The following FSTL5 variants were observed in gnomAD, a reference collection of about 807,000 sequenced individuals.
FSTL5 encodes the protein follistatin-related protein 5.
A neutral mutation model predicts 89.1 loss-of-function variants in FSTL5; 62 were observed. The ratio of observed to expected loss-of-function variants is 0.70; its 90% CI spans 0.57 to 0.86. The LOEUF (loss-of-function observed/expected upper bound fraction) is 0.86, where lower values mean the gene tolerates loss of function less well. FSTL5 is among the 40% of genes least tolerant of loss of function. The pLI, the probability that FSTL5 is intolerant of heterozygous loss-of-function variation, is 0.00. For missense variants in FSTL5, 1,057 were observed against 1,001.6 expected (o/e 1.06, Z -0.75); for synonymous variants, 383 against 346.2 (o/e 1.11, Z -1.18).
chr4:161,851,612 T>C (rs1190691827), intron 4 of FSTL5, among the ~76,000 whole-genome samples: 2 of 152,128 alleles, frequency 1.3e-5, no homozygotes, highest in East Asian at 3.8e-4. Flanking sequence ...CATTGTTATA[T>C]TTTGCCACAT....
intron 7 of FSTL5, among the ~76,000 whole-genome samples, chr4:161,630,460 T>A (rs114399775): frequency 4.1e-3 from 631 of 152,302 alleles, no homozygotes; most frequent in African/African-American, 0.015. Context: ...GTTTGTGAAG[T>A]AGAGACAGCA....
Position 161,587,527 on chromosome 4 carries a change from GAGTTGTGGTA to G in FSTL5, c.933_942del (p.Thr313LeufsTer22). On this transcript the variant is annotated frameshift_variant, in exon 8 of 16. Coordinates refer to ENST00000306100, the MANE Select transcript of FSTL5 (RefSeq NM_020116.5). LOFTEE classifies it high-confidence loss of function. ...GCATAGCAGGTGTAATTGCCAACGT[GAGTTGTGGTA>G]ACCTTAGTAATATACAAGGACCCAT... The G allele has an allele frequency of 6.2e-7, 1 of 1,611,090 alleles. No homozygotes were observed. Among genetic ancestry groups the G allele is most frequent in the East Asian group, 2.2e-5 (1 of 44,708 alleles).
intron 7 of FSTL5, among the ~76,000 whole-genome samples, chr4:161,609,950 G>C (rs1452631792): frequency 1.3e-5 from 2 of 152,082 alleles, no homozygotes; most frequent in Admixed American, 1.3e-4. Flanking sequence ...AAACATGAGG[G>C]ACTCAGGGAA....
chr4:161,405,988 A>G (rs1403792416), intron 15 of FSTL5, among the ~76,000 whole-genome samples: 1 of 152,138 alleles, frequency 6.6e-6, no homozygotes, highest in African/African-American at 2.4e-5. Context: ...TAAGAATCTG[A>G]GAGAATTCAC....
chr4:162,089,528 G>C (rs543905981), intron 2 of FSTL5, among the ~76,000 whole-genome samples: 1 of 151,328 alleles, frequency 6.6e-6, no homozygotes, highest in African/African-American at 2.4e-5. Flanking sequence ...AGCTACTCGG[G>C]AGGGTAAGGC....
intron 3 of FSTL5, among the ~76,000 whole-genome samples, chr4:161,996,895 A>C (rs775627612): frequency 4.6e-5 from 7 of 152,224 alleles, no homozygotes; most frequent in Non-Finnish European, 8.8e-5. Flanking sequence ...CTCTCGGGAT[A>C]GATGTTATGA....
At chr4:161,427,533 C>A (rs1254506627) in intron 15 of FSTL5, among the ~76,000 whole-genome samples, 1 of 152,162 alleles carries the variant, frequency 6.6e-6, no homozygotes, top group Non-Finnish European at 1.5e-5. Context: ...CCCAAACTAA[C>A]TTCCTTTGTT....
At chr4:161,390,030 T>C (rs573031232) in intron 15 of FSTL5, among the ~76,000 whole-genome samples, 34 of 152,304 alleles carry the variant, frequency 2.2e-4, no homozygotes, top group Non-Finnish European at 4.3e-4. Flanking sequence ...TTTTTATTCT[T>C]GCTCTCACTT....
At chr4:161,614,918 C>T (rs1374340538) in intron 7 of FSTL5, among the ~76,000 whole-genome samples, 2 of 152,032 alleles carry the variant, frequency 1.3e-5, no homozygotes, top group Non-Finnish European at 2.9e-5. Flanking sequence ...TCTTATGGAA[C>T]CTCAAATAGA....
intron 4 of FSTL5, among the ~76,000 whole-genome samples, chr4:161,850,785 T>C (rs1231379035): frequency 6.6e-6 from 1 of 152,140 alleles, no homozygotes; most frequent in Non-Finnish European, 1.5e-5. Context: ...CCATCAATGA[T>C]AGACTAGATA....
chr4:161,821,087 G>C (rs1026515210), intron 4 of FSTL5, among the ~76,000 whole-genome samples: 1 of 152,064 alleles, frequency 6.6e-6, no homozygotes, highest in Admixed American at 6.5e-5. Context: ...ACCCAGGCTA[G>C]AGTGCAGTGG....
chr4:161,511,056 G>T (rs900542674), intron 10 of FSTL5, among the ~76,000 whole-genome samples: 16 of 152,046 alleles, frequency 1.1e-4, no homozygotes, highest in Admixed American at 9.8e-4. Context: ...AATCAGTAAA[G>T]AGCTAATATA....
intron 8 of FSTL5, among the ~76,000 whole-genome samples, chr4:161,559,871 G>A (rs777382401): frequency 6.6e-6 from 1 of 151,778 alleles, no homozygotes; most frequent in Admixed American, 6.6e-5. Flanking sequence ...TAAGCTATAT[G>A]GTATAGCCAA....
chr4:161,625,319 T>C (rs1735277589), intron 7 of FSTL5, among the ~76,000 whole-genome samples: 1 of 152,162 alleles, frequency 6.6e-6, no homozygotes, highest in Non-Finnish European at 1.5e-5. Context: ...CTACAGTATG[T>C]GCTCACTTCA....
rs557244587 is a variant in FSTL5, at chr4:161,872,723, A to AT, written c.409+47680_409+47681insA. 3.9e-4 allele frequency among the ~76,000 whole-genome samples: 59 copies of AT among 152,326 alleles called. No homozygotes were observed. In the South Asian group the frequency reaches 4.6e-3, roughly 12 times the overall value. The stretch of plus-strand genomic sequence containing the variant: ...GGCTGAGACCAGCTTAGTAGCCATT[A>AT]AACAGAAAGAATATACAGATGTCTG... On this transcript the variant is annotated intron_variant, in intron 4 of 15. Transcript: ENST00000306100.
intron 6 of FSTL5, among the ~76,000 whole-genome samples, chr4:161,676,434 A>G (rs923191535): frequency 3.3e-5 from 5 of 152,092 alleles, no homozygotes; most frequent in African/African-American, 9.7e-5. Flanking sequence ...GTTCTCACTC[A>G]TAAGTGGGAG....
chr4:161,821,111 C>T (rs1284327612), intron 4 of FSTL5, among the ~76,000 whole-genome samples: 1 of 152,134 alleles, frequency 6.6e-6, no homozygotes, highest in Non-Finnish European at 1.5e-5. Context: ...AATCATGGCT[C>T]ATTACAGCCT....
At chr4:161,808,471 C>T (rs1364858300) in intron 4 of FSTL5, among the ~76,000 whole-genome samples, 1 of 151,964 alleles carries the variant, frequency 6.6e-6, no homozygotes, top group Non-Finnish European at 1.5e-5. Flanking sequence ...AAAAGTTTGA[C>T]TTTACCTTTA....
At chr4:162,154,950 G>T (rs1733409108) in intron 1 of FSTL5, among the ~76,000 whole-genome samples, 1 of 152,014 alleles carries the variant, frequency 6.6e-6, no homozygotes. Flanking sequence ...TAAATTTAGG[G>T]TTAGAAAGAA....
Sources: gnomAD v4.1 joint callset for allele counts (sites outside exome capture counted in the v4.1 genomes callset) on GRCh38, gnomAD v4.1.1 for gene constraint, MANE v1.5 for transcripts, NCBI Gene and HGNC (gene_info 2026-07-23, HGNC 2026-07-21) for gene names.